Variants in GPR157 observed in about 807,000 individuals in gnomAD.
The protein encoded by GPR157 is G-protein coupled receptor 157.
GPR157 carries 16 observed loss-of-function variants against 23.5 expected under a neutral mutation model. The observed-to-expected ratio is 0.68, with a 90% CI of 0.46 to 1.04. The LOEUF is 1.04. Among genes scored for constraint, GPR157 ranks in the 50% least tolerant of loss-of-function variants. The pLI, the probability that GPR157 is intolerant of heterozygous loss-of-function variation, is 0.00. For missense variants in GPR157, 440 were observed against 460.7 expected, an observed-to-expected ratio of 0.96 and a Z score of 0.41; for synonymous variants, 200 against 221.5, an observed-to-expected ratio of 0.90 and a Z score of 0.86.
In GPR157 at chr1:9,109,837, C is replaced by T. The variant is rs533800516; in HGVS notation, c.597+1439G>A. Reference sequence around the variant, plus strand: ...AAAGAGAAAACTAAAGGTCTTGACGCGAGAAGACACAACGGGAGTGGAGGG... The same window carrying T: ...AAAGAGAAAACTAAAGGTCTTGACGTGAGAAGACACAACGGGAGTGGAGGG... On this transcript the variant is annotated intron_variant, in intron 2 of 3. Coordinates refer to ENST00000377411, the MANE Select transcript of GPR157 (RefSeq NM_024980.5). Among the ~76,000 whole-genome samples the T allele has an allele frequency of 1.4e-4, 22 of 152,182 alleles. No homozygotes were observed. In the East Asian group the frequency reaches 1.5e-3, roughly 11 times the overall value.
chr1:9,104,433 G>T lies in GPR157; in HGVS notation c.994C>A (p.Leu332Ile). ...AGGACAAAAGCTCAGGTGCTTGGAA[G>T]TTCCCCTGGGGTCCCTTGGGATTCC... is the stretch of plus-strand genomic sequence containing the variant. The part of the protein sequence containing the change: ...SQESQGTPGE[L>I]PST The change falls in exon 4 of 4, where the codon CTT (leucine) becomes ATT (isoleucine). Residue 332 changes from leucine (L) to isoleucine (I), a missense_variant. Transcript: ENST00000377411. 1 of 1,613,894 alleles carries T rather than the reference G, an allele frequency of 6.2e-7. No individual in the cohort carries two copies. The highest frequency in any genetic ancestry group is 1.1e-5 in the South Asian group (1 of 91,076).
intron 1 of GPR157, among the ~76,000 whole-genome samples, chr1:9,125,441 C>T (rs1363891804): frequency 6.6e-6 from 1 of 152,012 alleles, no homozygotes; most frequent in African/African-American, 2.4e-5. Flanking sequence ...ACATCAGGGG[C>T]CAGACACAGC....
intron 1 of GPR157, among the ~76,000 whole-genome samples, chr1:9,117,516 T>C (rs1366484193): frequency 1.3e-5 from 2 of 152,198 alleles, no homozygotes; most frequent in Admixed American, 6.5e-5. Flanking sequence ...TCCCAGCACT[T>C]TGGGAGGCCG....
At chr1:9,117,072 T>C (rs375256918) in intron 1 of GPR157, among the ~76,000 whole-genome samples, 9 of 152,202 alleles carry the variant, frequency 5.9e-5, no homozygotes, top group African/African-American at 2.2e-4. Context: ...CTCACTATGT[T>C]TTCTCAAGTG....
At position 9,101,541 on chromosome 1, in the gene GPR157, C is replaced by T. The variant is rs1642567212; in HGVS notation, c.*2878G>A. On this transcript the variant is annotated 3_prime_UTR_variant, in exon 4 of 4. Transcript: ENST00000377411. ...AGCCCCTGCCCTGCCCACCTGGTCA[C>T]CACCATTCACAGTGATCACTCATCT... The T allele has an allele frequency of 6.6e-6, 1 of 152,226 alleles. No homozygotes were observed. Among genetic ancestry groups the T allele is most frequent in the Non-Finnish European group, 1.5e-5 (1 of 68,056 alleles). 9.4% of individuals were successfully genotyped at this position (152,226 alleles called of 1,614,324 possible).
intron 1 of GPR157, among the ~76,000 whole-genome samples, chr1:9,122,570 C>T (rs150691439): frequency 1.0e-3 from 155 of 152,152 alleles, no homozygotes; most frequent in African/African-American, 3.4e-3. Flanking sequence ...GGGAATATGT[C>T]CAAGTTGCTG....
At chr1:9,109,402 A>AT (rs72496634) in intron 2 of GPR157, among the ~76,000 whole-genome samples, 1 of 147,786 alleles carries the variant, frequency 6.8e-6, no homozygotes, top group Non-Finnish European at 1.5e-5. Context: ...ATTTTTATTT[A>AT]TTTTTTTTGA....
At chr1:9,110,317 G>A (rs551626762) in intron 2 of GPR157, among the ~76,000 whole-genome samples, 201 of 152,318 alleles carry the variant, frequency 1.3e-3, no homozygotes, top group African/African-American at 4.5e-3. Context: ...GAGGTCAAGA[G>A]TTCCAGACCA....
Position 9,105,007 on chromosome 1 carries a change from C to G in GPR157, c.793-373G>C, listed in dbSNP as rs1240566862. Among the ~76,000 whole-genome samples the G allele has an allele frequency of 2.1e-5, 3 of 145,562 alleles. No individual in the cohort carries two copies. The highest frequency in any genetic ancestry group is 6.9e-5 in the Admixed American group (1 of 14,570). ...AAAGCCAGACTCTGTCCCCGCACCCCCCCCCAAAAAAGAGAAATGGCTGAG... is the reference window on the plus strand; with the variant it reads ...AAAGCCAGACTCTGTCCCCGCACCCGCCCCCAAAAAAGAGAAATGGCTGAG... On this transcript the variant is annotated intron_variant, in intron 3 of 3. Coordinates refer to ENST00000377411, the MANE Select transcript of GPR157 (RefSeq NM_024980.5). The surrounding 1 kb of genome is among the most constrained non-coding windows in gnomAD (Gnocchi z 4.8).
chr1:9,126,462 G>A lies in GPR157; in HGVS notation c.383+2183C>T, dbSNP rs192347073. ...CCTAAACGCACATTAGAATAAGGAT[G>A]TCAACCTTCTGTGTTGTCGTATTTT... is the stretch of plus-strand genomic sequence containing the variant. On this transcript the variant is annotated intron_variant, in intron 1 of 3. Transcript: ENST00000377411. Among the ~76,000 whole-genome samples, 297 of 152,266 alleles carry A rather than the reference G, an allele frequency of 2.0e-3. 6 individuals are homozygous for A. Among genetic ancestry groups the A allele is most frequent in the Admixed American group, 0.019 (294 of 15,282 alleles).
Position 9,112,371 on chromosome 1 carries a change from G to A in GPR157, c.384-882C>T, listed in dbSNP as rs544052695. 1.3e-4 allele frequency among the ~76,000 whole-genome samples: 20 copies of A among 152,304 alleles called. No individual in the cohort carries two copies. The East Asian group carries it at 3.3e-3, about 25-fold the overall frequency. The stretch of plus-strand genomic sequence containing the variant: ...CCTTGAGGACTTCTTACACAATGGC[G>A]GGGAACAGAACCTGGCAAGGGTCAA... On this transcript the variant is annotated intron_variant, in intron 1 of 3. Transcript: ENST00000377411.
At position 9,123,599 on chromosome 1, in the gene GPR157, A is replaced by G. The variant is rs1409107530; in HGVS notation, c.383+5046T>C. 7.2e-4 allele frequency among the ~76,000 whole-genome samples: 37 copies of G among 51,156 alleles called. 1 individual carries two copies. The highest frequency in any genetic ancestry group is 3.7e-3 in the African/African-American group (36 of 9,658). 33.6% of individuals were successfully genotyped at this position (51,156 alleles called of 152,430 possible). A position where few individuals can be genotyped will look rare whatever the true frequency, so the allele number is the denominator to read the frequency against. ...AAATATATATTTAATATTAATGTAT[A>G]TTTAATATATATTTAAAATTAAATA... On this transcript the variant is annotated intron_variant, in intron 1 of 3. Coordinates refer to ENST00000377411, the MANE Select transcript of GPR157 (RefSeq NM_024980.5).
intron 1 of GPR157, among the ~76,000 whole-genome samples, chr1:9,121,201 G>A (rs1033726005): frequency 6.6e-5 from 10 of 151,846 alleles, no homozygotes; most frequent in African/African-American, 1.2e-4. Context: ...GAGTGGTGGC[G>A]CACGCCTGTG....
chr1:9,109,375 G>A (rs1485959808), intron 2 of GPR157, among the ~76,000 whole-genome samples: 2 of 150,768 alleles, frequency 1.3e-5, no homozygotes, highest in African/African-American at 4.9e-5. Context: ...GAGTCACCAT[G>A]CCCAGCCTTA....
rs966165480 is a variant in GPR157, at chr1:9,102,078, C to T, written c.*2341G>A. 1 of 152,158 alleles carries T rather than the reference C, an allele frequency of 6.6e-6. No homozygotes were observed. The highest frequency in any genetic ancestry group is 2.4e-5 in the African/African-American group (1 of 41,428). 9.4% of individuals were successfully genotyped at this position (152,158 alleles called of 1,614,324 possible). ...GAGCAGCCCAGAGCTCTCTTTCAATCCTAAGGGGATGTCTGTCTCACTAAT... is the reference window on the plus strand; with the variant it reads ...GAGCAGCCCAGAGCTCTCTTTCAATTCTAAGGGGATGTCTGTCTCACTAAT... On this transcript the variant is annotated 3_prime_UTR_variant, in exon 4 of 4. Transcript: ENST00000377411.
rs1638730344 is a variant in GPR157 at position 9,118,395 on chromosome 1, G to A, written c.384-6906C>T. ...TCCTGTCTAAACCTGTGACTCTGAG[G>A]CTGGGAGGAGGCCAAGCTGAGCCTG... On this transcript the variant is annotated intron_variant, in intron 1 of 3. Coordinates refer to ENST00000377411, the MANE Select transcript of GPR157 (RefSeq NM_024980.5). This position sits in a 1 kb window ranked among gnomAD's most constrained non-coding sequence, Gnocchi z 4.6. 6.6e-6 allele frequency among the ~76,000 whole-genome samples: 1 copy of A among 152,128 alleles called. No individual in the cohort carries two copies. Among genetic ancestry groups the A allele is most frequent in the African/African-American group, 2.4e-5 (1 of 41,420 alleles).
At chr1:9,123,144 G>A (rs1638835568) in intron 1 of GPR157, among the ~76,000 whole-genome samples, 1 of 136,460 alleles carries the variant, frequency 7.3e-6, no homozygotes, top group East Asian at 2.1e-4. Flanking sequence ...GGCAACAAGA[G>A]TGAAACTGTC....
intron 2 of GPR157, among the ~76,000 whole-genome samples, chr1:9,108,795 A>AT (rs56404416): frequency 0.78 from 116,871 of 150,342 alleles, 46,247 homozygotes; most frequent in East Asian, 0.97. Context: ...ACACCAGCTA[A>AT]TTTTTTTTTT....
At position 9,128,891 on chromosome 1, in the gene GPR157, G is replaced by A; in HGVS notation, c.137C>T (p.Ala46Val). ...CGACAGGAAGAGCAGCAGGCGCCGT[G>A]CCCGGCTGCGCAGGTCGGGCCACAG... is the stretch of plus-strand genomic sequence containing the variant. The part of the protein sequence containing the change: ...HALWPDLRSR[A>V]RRLLLFLSLA... Residue 46 changes from alanine (A) to valine (V), a missense_variant, in exon 1 of 4, where the codon GCA becomes GTA. Coordinates refer to ENST00000377411, the MANE Select transcript of GPR157 (RefSeq NM_024980.5). This position sits in a 1 kb window ranked among gnomAD's most constrained non-coding sequence, Gnocchi z 6.3. The A allele has an allele frequency of 6.4e-7, 1 of 1,555,360 alleles. No individual in the cohort carries two copies. The highest frequency in any genetic ancestry group is 8.7e-7 in the Non-Finnish European group (1 of 1,152,012).
Sources: gnomAD v4.1 joint callset for allele counts (sites outside exome capture counted in the v4.1 genomes callset) on GRCh38, gnomAD v4.1.1 for gene constraint, Gnocchi (gnomAD v3.1) non-coding constraint, MANE v1.5 for transcripts, NCBI Gene and HGNC (gene_info 2026-07-23, HGNC 2026-07-21) for gene names.